The following TRIM16 variants were observed in gnomAD, a reference collection of about 807,000 sequenced individuals.
TRIM16 encodes the protein tripartite motif containing 16.
A neutral mutation model predicts 50.4 loss-of-function variants in TRIM16; 33 were observed. The ratio of observed to expected loss-of-function variants is 0.65; its 90% CI spans 0.50 to 0.88. The LOEUF (loss-of-function observed/expected upper bound fraction) is 0.88. TRIM16 is among the 40% of genes least tolerant of loss of function. TRIM16 has a pLI of 0.00. For missense variants in TRIM16, 581 were observed against 686.8 expected, an observed-to-expected ratio of 0.85 and a Z score of 1.72; for synonymous variants, 229 against 270.7, an observed-to-expected ratio of 0.85 and a Z score of 1.51.
chr17:15,636,387 C>T (rs1778636274), intron 8 of TRIM16, 118 bp from the exon 9 acceptor site: 2 of 1,017,786 alleles, frequency 2.0e-6, no homozygotes, highest in East Asian at 2.7e-5. Flanking sequence ...GGAGCAGTTC[C>T]CTATTGTAAA....
At chr17:15,675,806 CATATATATTTGCATATATAATATAAAAAT>C (rs572612985) in intron 6 of TRIM16, among the ~76,000 whole-genome samples, 118 of 147,400 alleles carry the variant, frequency 8.0e-4, no homozygotes, top group South Asian at 3.8e-3. Flanking sequence ...TGTGTATATA[CATATATATTTGCATATATAATATAAAAAT>C]ATATATATTA....
chr17:15,677,928 A>T (rs1338324738), intron 4 of TRIM16, among the ~76,000 whole-genome samples: 2 of 152,140 alleles, frequency 1.3e-5, no homozygotes, highest in Non-Finnish European at 2.9e-5. Flanking sequence ...AATTATAAGA[A>T]AACTATCGGC....
intron 6 of TRIM16, chr17:15,659,009 T>C: frequency 2.9e-6 from 1 of 348,810 alleles, no homozygotes; most frequent in Non-Finnish European, 4.0e-6. Context: ...AACACGATTG[T>C]TGTAATGACG....
chr17:15,681,164 G>A, intron 3 of TRIM16: 1 of 428,370 alleles, frequency 2.3e-6, no homozygotes, highest in Non-Finnish European at 4.2e-6. Context: ...CCATTAACTG[G>A]GCTCAGGATC....
chr17:15,645,112 C>A (rs567592786), intron 7 of TRIM16, among the ~76,000 whole-genome samples: 32 of 152,310 alleles, frequency 2.1e-4, no homozygotes, highest in African/African-American at 7.7e-4. Flanking sequence ...CCGTGCCTGG[C>A]CTGTTTCTTA....
chr17:15,681,178 G>C, intron 3 of TRIM16: 1 of 375,844 alleles, frequency 2.7e-6, no homozygotes, highest in East Asian at 4.4e-5. Flanking sequence ...CAGGATCTGC[G>C]TGAGCCACTG....
intron 6 of TRIM16, among the ~76,000 whole-genome samples, chr17:15,655,731 T>C (rs561794885): frequency 4.6e-5 from 7 of 152,150 alleles, no homozygotes; most frequent in African/African-American, 1.7e-4. Flanking sequence ...CCCACCACCA[T>C]GCCTGGTTAA....
chr17:15,682,501 C>G (rs163383), intron 3 of TRIM16, among the ~76,000 whole-genome samples: 46,491 of 152,092 alleles, frequency 0.31, 8,549 homozygotes, highest in African/African-American at 0.51. Context: ...CTCCTTAAGA[C>G]AAAGCGCTTT....
intron 7 of TRIM16, among the ~76,000 whole-genome samples, chr17:15,645,434 C>G (rs1304222475): frequency 5.3e-5 from 8 of 152,114 alleles, no homozygotes; most frequent in Admixed American, 1.3e-4. Context: ...TGCTTTGGCC[C>G]CAGCTTCAAT....
chr17:15,661,789 GTGACAGA>G (rs1988249548), intron 6 of TRIM16, among the ~76,000 whole-genome samples: 2 of 152,162 alleles, frequency 1.3e-5, no homozygotes, highest in Non-Finnish European at 2.9e-5. Context: ...GCAGCTCCTA[GTGACAGA>G]TTCTGGCCTA....
At chr17:15,655,821 G>A (rs1265157243) in intron 6 of TRIM16, among the ~76,000 whole-genome samples, 3 of 152,124 alleles carry the variant, frequency 2.0e-5, no homozygotes, top group South Asian at 2.1e-4. Flanking sequence ...TGATCTGCCC[G>A]CCTCGGCCTC....
intron 6 of TRIM16, among the ~76,000 whole-genome samples, chr17:15,668,696 A>C (rs1597662876): frequency 6.6e-6 from 1 of 152,146 alleles, no homozygotes; most frequent in Non-Finnish European, 1.5e-5. Flanking sequence ...ATCCTTCTTC[A>C]CCAACCAGCT....
intron 6 of TRIM16, among the ~76,000 whole-genome samples, chr17:15,666,661 A>G (rs163368): frequency 0.14 from 20,876 of 152,264 alleles, 1,686 homozygotes; most frequent in South Asian, 0.22. Context: ...AAATGGAAAT[A>G]TATAGTAGGC....
chr17:15,665,688 T>A (rs1988469677), intron 6 of TRIM16, among the ~76,000 whole-genome samples: 1 of 151,518 alleles, frequency 6.6e-6, no homozygotes, highest in Non-Finnish European at 1.5e-5. Flanking sequence ...GGTGAGAGGC[T>A]CTTTGAAGCT....
At chr17:15,678,878 CT>C (rs55929822) in intron 4 of TRIM16, among the ~76,000 whole-genome samples, 35 of 75,366 alleles carry the variant, frequency 4.6e-4, no homozygotes, top group Middle Eastern at 8.5e-3. Flanking sequence ...GCAGACTCTC[CT>C]TTTTTTTTTT....
At chr17:15,666,786 G>A (rs1421938347) in intron 6 of TRIM16, among the ~76,000 whole-genome samples, 1 of 152,214 alleles carries the variant, frequency 6.6e-6, no homozygotes, top group African/African-American at 2.4e-5. Flanking sequence ...TGCTATGTCT[G>A]TAACCAAGCG....
rs529030976 is a variant in TRIM16 at position 15,643,970 on chromosome 17, T to G, written c.520-1154A>C. On this transcript the variant is annotated intron_variant, in intron 7 of 11. Coordinates refer to ENST00000649191, the MANE Select transcript of TRIM16 (RefSeq NM_001348119.1). ...TTTCATAACTAAAACGTGTGGGTTTTTTTCCACATGAAGCCATTCTCCAAC... is the reference window on the plus strand; with the variant it reads ...TTTCATAACTAAAACGTGTGGGTTTGTTTCCACATGAAGCCATTCTCCAAC... Among the ~76,000 whole-genome samples, 64 of 152,166 alleles carry G rather than the reference T, an allele frequency of 4.2e-4. 2 individuals are homozygous for G. The highest frequency in any genetic ancestry group is 1.4e-3 in the African/African-American group (60 of 41,536).
In TRIM16 at chr17:15,683,117, T is replaced by C. The variant is rs1159209444; in HGVS notation, c.-858A>G. 2 of 1,550,516 alleles carry C rather than the reference T, an allele frequency of 1.3e-6. No individual in the cohort carries two copies. The highest frequency in any genetic ancestry group is 3.9e-5 in the Admixed American group (2 of 50,992). On this transcript the variant is annotated 5_prime_UTR_variant, in exon 2 of 12. Transcript: ENST00000649191. ...TTTGGGTGTAGCAACCTTTCCGTTCTCCACGTATCTTCCTGGAAATTGCCA... is the reference window on the plus strand; with the variant it reads ...TTTGGGTGTAGCAACCTTTCCGTTCCCCACGTATCTTCCTGGAAATTGCCA...
In TRIM16 at chr17:15,681,510, A is replaced by T. The variant is rs1241167769; in HGVS notation, c.-678-557T>A. ...TATGTGTCGTATCATTCACCACTGC[A>T]TCCTAAGCACTGAGCACGGTGTACT... On this transcript the variant is annotated intron_variant, in intron 3 of 11. Transcript: ENST00000649191. Among the ~76,000 whole-genome samples the T allele has an allele frequency of 3.9e-5, 6 of 152,336 alleles. No individual in the cohort carries two copies. In the East Asian group the frequency reaches 1.2e-3, roughly 29 times the overall value.
Sources: allele counts gnomAD v4.1 joint callset (sites outside exome capture counted in the v4.1 genomes callset), GRCh38; gene constraint gnomAD v4.1.1; transcripts MANE v1.5; gene names NCBI Gene and HGNC (gene_info 2026-07-23, HGNC 2026-07-21).